The following WDR35 variants were observed in gnomAD, a reference collection of about 807,000 sequenced individuals.
WDR35 encodes WD repeat domain 35, also known as WD repeat-containing protein 35.
WDR35 carries 118 observed loss-of-function variants against 158.3 expected under a neutral mutation model. The observed-to-expected ratio is 0.75, with a 90% CI of 0.64 to 0.87. The LOEUF is 0.87. Ranked by LOEUF, WDR35 falls within the 40% of genes least tolerant of loss-of-function variation. The probability of loss-of-function intolerance (pLI) is 0.00; values close to 1 mark genes in which losing one functional copy is unlikely to be tolerated. For synonymous variants in WDR35, 448 were observed against 476.1 expected (o/e 0.94, Z 0.77); for missense variants, 1,263 against 1,405.8 (o/e 0.90, Z 1.62).
intron 11 of WDR35, among the ~76,000 whole-genome samples, chr2:19,954,790 C>T (rs116324941): frequency 0.017 from 2,550 of 152,298 alleles, 75 homozygotes; most frequent in African/African-American, 0.059. Flanking sequence ...TCAGCAATTC[C>T]ACTCCTAGGT....
At chr2:19,917,564 C>T (rs748227611) in intron 25 of WDR35, among the ~76,000 whole-genome samples, 1 of 152,154 alleles carries the variant, frequency 6.6e-6, no homozygotes, top group Non-Finnish European at 1.5e-5. Context: ...CCTGATGGAG[C>T]TGAAAAACAC....
chr2:19,930,023 AATGT>A (rs1022484918), intron 25 of WDR35, among the ~76,000 whole-genome samples: 22 of 150,692 alleles, frequency 1.5e-4, no homozygotes, highest in African/African-American at 5.3e-4. Flanking sequence ...AAATTATCTG[AATGT>A]ATGTATTAAA....
At chr2:19,969,073 T>G (rs372568482) in intron 9 of WDR35, among the ~76,000 whole-genome samples, 1 of 152,208 alleles carries the variant, frequency 6.6e-6, no homozygotes, top group South Asian at 2.1e-4. Flanking sequence ...GCAGACCCTC[T>G]TGCACAGCCA....
At position 19,973,718 on chromosome 2, in the gene WDR35, AAG is replaced by A. The variant is rs1672102753; in HGVS notation, c.737-12_737-11del. ...TCAATCAAAACGGGATCTAGTCAGA[AAG>A]AGAAAAATGAGGTCACTGTGGGAAA... On this transcript the variant is annotated splice_polypyrimidine_tract_variant and intron_variant, in intron 7 of 26. Coordinates refer to ENST00000281405, the MANE Select transcript of WDR35 (RefSeq NM_020779.4). The A allele has an allele frequency of 1.2e-6, 2 of 1,611,156 alleles. No homozygotes were observed. The highest frequency in any genetic ancestry group is 1.7e-6 in the Non-Finnish European group (2 of 1,178,318).
rs1426334657 is a variant in WDR35, at chr2:19,932,454, G to GA, written c.2659-8dup. On this transcript the variant is annotated splice_region_variant and splice_polypyrimidine_tract_variant and intron_variant, in intron 22 of 26. Coordinates refer to ENST00000281405, the MANE Select transcript of WDR35 (RefSeq NM_020779.4). ...ATTCAACAGCTTTGTTCCACTAGGA[G>GA]AAAAATTACACCATTCAGTCACCCA... The GA allele has an allele frequency of 1.9e-6, 3 of 1,612,852 alleles. No homozygotes were observed. The highest frequency in any genetic ancestry group is 2.5e-6 in the Non-Finnish European group (3 of 1,179,408).
In WDR35 at chr2:19,933,855, G is replaced by A. The variant is rs192407162; in HGVS notation, c.2548-344C>T. Among the ~76,000 whole-genome samples the A allele has an allele frequency of 1.4e-4, 21 of 152,210 alleles. No homozygotes were observed. The East Asian group carries it at 4.1e-3, about 29-fold the overall frequency. ...GGTGAAAAAAGCCTTTATATCAATTGGTGGTATACTCAGTGCTAATTATTA... is the reference window on the plus strand; with the variant it reads ...GGTGAAAAAAGCCTTTATATCAATTAGTGGTATACTCAGTGCTAATTATTA... On this transcript the variant is annotated intron_variant, in intron 21 of 26. Coordinates refer to ENST00000281405, the MANE Select transcript of WDR35 (RefSeq NM_020779.4).
chr2:19,919,774 C>CA (rs766458750), intron 25 of WDR35, among the ~76,000 whole-genome samples: 2 of 151,970 alleles, frequency 1.3e-5, no homozygotes, highest in African/African-American at 2.4e-5. Flanking sequence ...AAAAACCCTC[C>CA]AAAAAATCAA....
At chr2:19,948,097 T>G in intron 14 of WDR35, 67 bp downstream of exon 14, 1 of 1,338,614 alleles carries the variant, frequency 7.5e-7, no homozygotes, top group Admixed American at 2.0e-5. Context: ...GGCACACACC[T>G]GGCTCCTACC....
At position 19,918,206 on chromosome 2, in the gene WDR35, A is replaced by T. The variant is rs1189774023; in HGVS notation, c.3122-3929T>A. ...CAAGGAAATGCTGAGATATTTTGTC[A>T]CCATCAGGCCTCTCCTACAAGAGCT... On this transcript the variant is annotated intron_variant, in intron 25 of 26. Transcript: ENST00000281405. Among the ~76,000 whole-genome samples the T allele has an allele frequency of 3.3e-5, 5 of 151,654 alleles. No individual in the cohort carries two copies. In the East Asian group the frequency reaches 9.6e-4, roughly 29 times the overall value.
intron 25 of WDR35, among the ~76,000 whole-genome samples, chr2:19,923,957 T>C (rs915045113): frequency 5.9e-5 from 9 of 152,348 alleles, no homozygotes; most frequent in African/African-American, 1.9e-4. Context: ...CAGGCTTGTC[T>C]AACTCCTGCT....
chr2:19,986,192 A>C (rs1362329207), intron 2 of WDR35, among the ~76,000 whole-genome samples: 1 of 152,216 alleles, frequency 6.6e-6, no homozygotes, highest in African/African-American at 2.4e-5. Flanking sequence ...GCTGAAATGG[A>C]GAGAATTGAA....
rs144701688 is a variant in WDR35 at position 19,960,561 on chromosome 2, A to C, written c.1248T>G (p.Ile416Met). 391 of 1,606,826 alleles carry C rather than the reference A, an allele frequency of 2.4e-4. 2 individuals carry two copies. The African/African-American group carries it at 4.8e-3, about 20-fold the overall frequency. The change falls in exon 11 of 27, where the codon ATT (isoleucine) becomes ATG (methionine). Residue 416 changes from isoleucine to methionine, a missense_variant. Ile to Met is a conservative substitution (Grantham distance 10). Transcript: ENST00000281405. ...SIGTPLDPKY[I>M]DIVPLFVAMT... ...ATATCAACATTTCCTTACCAATATC[A>C]ATGTATTTGGGATCCAAGGGTGTAC...
chr2:19,937,617 C>CTAACTTAATGTAATTTTAATGT (rs1670739233), intron 19 of WDR35, 126 bp downstream of exon 19: 2 of 1,298,324 alleles, frequency 1.5e-6, no homozygotes, highest in South Asian at 2.5e-5. Flanking sequence ...GGTTGTAATC[C>CTAACTTAATGTAATTTTAATGT]AAACTTAAAA....
At chr2:19,967,652 C>T (rs1671900611) in intron 9 of WDR35, among the ~76,000 whole-genome samples, 1 of 151,792 alleles carries the variant, frequency 6.6e-6, no homozygotes, top group African/African-American at 2.4e-5. Flanking sequence ...ATTGTGTTTA[C>T]CATTCAAACA....
rs35687277 is a variant in WDR35 at position 19,935,871 on chromosome 2, G to GAAT, written c.2415-269_2415-268insATT. 0.46 allele frequency among the ~76,000 whole-genome samples: 69,401 copies of GAAT among 151,670 alleles called. 16,060 individuals are homozygous for GAAT. The highest frequency in any genetic ancestry group is 0.64 in the East Asian group (3,292 of 5,152). On this transcript the variant is annotated intron_variant, in intron 20 of 26. Transcript: ENST00000281405. ...ATAAGCATACTAATCAAAATGAAAA[G>GAAT]AAAAGCCAATGATTTCTGAAAATAA... is the stretch of plus-strand genomic sequence containing the variant.
chr2:19,931,640 A>T (rs931372397), intron 23 of WDR35, among the ~76,000 whole-genome samples: 2 of 152,142 alleles, frequency 1.3e-5, no homozygotes. Context: ...TGGAATTCAG[A>T]TCACTCTTAG....
Position 19,951,431 on chromosome 2 carries a change from T to C in WDR35, c.1454A>G (p.Tyr485Cys). 6.2e-7 allele frequency: 1 copy of C among 1,611,218 alleles called. No individual in the cohort carries two copies. The change falls in exon 13 of 27, where the codon TAT becomes TGT. Residue 485 changes from tyrosine (Y) to cysteine (C), a missense_variant. Transcript: ENST00000281405. ...PSGSMDGVLD[Y>C]SKTIQGTRDP... is the part of the protein sequence containing the mutation. The stretch of plus-strand genomic sequence containing the variant: ...ATCACCTACTTGAATGGTTTTACTA[T>C]AATCAAGCACACCATCCATTGATCC...
Position 19,980,675 on chromosome 2 carries a change from T to C in WDR35, c.307+16A>G, listed in dbSNP as rs754939268. The C allele has an allele frequency of 8.1e-6, 13 of 1,604,410 alleles. No individual in the cohort carries two copies. The Admixed American group carries it at 2.2e-4, about 27-fold the overall frequency. ...AACTTGTGAAAAATTAAATAATCTC[T>C]CCTAGTAAAGTATACCTTTATATAA... On this transcript the variant is annotated intron_variant, in intron 4 of 26. Transcript: ENST00000281405.
intron 10 of WDR35, among the ~76,000 whole-genome samples, chr2:19,964,470 G>A (rs1281315679): frequency 4.2e-5 from 6 of 142,402 alleles, no homozygotes; most frequent in South Asian, 4.5e-4. Context: ...CGCAACCTCC[G>A]CGTCCTGGGT....
Sources: gnomAD v4.1 joint callset for allele counts (sites outside exome capture counted in the v4.1 genomes callset) on GRCh38, gnomAD v4.1.1 for gene constraint, MANE v1.5 for transcripts, NCBI Gene and HGNC (gene_info 2026-07-23, HGNC 2026-07-21) for gene names.